HMCN1: variants seen among roughly 807,000 people sequenced by gnomAD.
HMCN1 encodes the protein hemicentin 1.
In HMCN1, 321 loss-of-function variants were observed where a neutral mutation model predicts 625.9. The ratio of observed to expected loss-of-function variants is 0.51; its 90% CI spans 0.47 to 0.56. The LOEUF (loss-of-function observed/expected upper bound fraction) is 0.56. Ranked by LOEUF, HMCN1 falls within the 20% of genes least tolerant of loss-of-function variation. The pLI is 0.00. For missense variants in HMCN1, 6,588 were observed against 6,887.3 expected (o/e 0.96, Z 1.54); for synonymous variants, 2,425 against 2,417.6 (o/e 1.00, Z -0.09).
chr1:185,912,437 A>G (rs1204421460), intron 6 of HMCN1, among the ~76,000 whole-genome samples: 1 of 152,172 alleles, frequency 6.6e-6, no homozygotes, highest in Non-Finnish European at 1.5e-5. Flanking sequence ...TTCCTCTAAG[A>G]AAGCATTGTA....
rs1657232881 is a variant in HMCN1, at chr1:186,055,262, C to T, written c.6863-131C>T. On this transcript the variant is annotated intron_variant, in intron 44 of 106. Transcript: ENST00000271588. Reference sequence around the variant, plus strand: ...CAGCATAACATCATGTCTGTTAGTCCTGGGTCTTTTCTTTAGTTATTTATA... The same window carrying T: ...CAGCATAACATCATGTCTGTTAGTCTTGGGTCTTTTCTTTAGTTATTTATA... 3.5e-6 allele frequency: 3 copies of T among 845,856 alleles called. No homozygotes were observed. The South Asian group carries it at 4.7e-5, about 13-fold the overall frequency. The allele number at this position is 845,856 out of a possible 1,614,324, so 52.4% of individuals were successfully genotyped here. A position where few individuals can be genotyped will look rare whatever the true frequency, so the allele number is the denominator to read the frequency against.
chr1:186,020,011 G>A (rs1286456649), intron 35 of HMCN1, among the ~76,000 whole-genome samples: 3 of 151,826 alleles, frequency 2.0e-5, no homozygotes, highest in Non-Finnish European at 4.4e-5. Context: ...TCAGTAATAA[G>A]CCAAAAATGT....
intron 73 of HMCN1, 83 bp downstream of exon 73, chr1:186,114,206 C>A: frequency 7.2e-7 from 1 of 1,397,778 alleles, no homozygotes; most frequent in Non-Finnish European, 1.0e-6. Context: ...CTATTTTGGT[C>A]TCATTATGTT....
intron 95 of HMCN1, 125 bp from the exon 96 acceptor site, chr1:186,152,625 T>C (rs879397172): frequency 1.7e-4 from 186 of 1,113,370 alleles, no homozygotes; most frequent in Non-Finnish European, 2.4e-4. Flanking sequence ...TCAGTTCTCA[T>C]CATCTATACT....
At chr1:186,091,715 A>T (rs534936983) in intron 64 of HMCN1, among the ~76,000 whole-genome samples, 1 of 152,144 alleles carries the variant, frequency 6.6e-6, no homozygotes, top group South Asian at 2.1e-4. Context: ...CCCATTACCT[A>T]CACATACCAG....
chr1:185,808,787 C>A (rs759825199), intron 1 of HMCN1, among the ~76,000 whole-genome samples: 5 of 152,092 alleles, frequency 3.3e-5, no homozygotes, highest in Non-Finnish European at 7.4e-5. Context: ...CTGTTTTCTT[C>A]GTGGCTCAAT....
At chr1:185,774,057 AGTTGTGCTTTTT>A (rs1369756919) in intron 1 of HMCN1, among the ~76,000 whole-genome samples, 1 of 152,176 alleles carries the variant, frequency 6.6e-6, no homozygotes, top group Admixed American at 6.5e-5. Flanking sequence ...TCTACTGAAA[AGTTGTGCTTTTT>A]GTTCCATACT....
At chr1:185,764,884 A>C (rs1655769347) in intron 1 of HMCN1, among the ~76,000 whole-genome samples, 2 of 152,220 alleles carry the variant, frequency 1.3e-5, no homozygotes, top group African/African-American at 4.8e-5. Flanking sequence ...TACTTCTTAG[A>C]GGTGTCAATC....
intron 89 of HMCN1, among the ~76,000 whole-genome samples, chr1:186,139,644 T>TA (rs1174192025): frequency 1.3e-5 from 2 of 151,888 alleles, no homozygotes; most frequent in East Asian, 3.9e-4. Flanking sequence ...CCCCAGTCCC[T>TA]AAACCAAATG....
chr1:186,096,467 G>A (rs1370284484), intron 68 of HMCN1, among the ~76,000 whole-genome samples: 2 of 152,108 alleles, frequency 1.3e-5, no homozygotes, highest in Non-Finnish European at 2.9e-5. Flanking sequence ...TGGATTAAAG[G>A]GAGTTTCTTC....
intron 11 of HMCN1, among the ~76,000 whole-genome samples, chr1:185,935,949 T>C (rs996168174): frequency 6.6e-6 from 1 of 152,170 alleles, no homozygotes; most frequent in Non-Finnish European, 1.5e-5. Flanking sequence ...TACAAATTAA[T>C]TTCACTTTAA....
rs778331584 is a variant in HMCN1, at chr1:186,062,616, T to C, written c.7513+16T>C. 2 of 1,576,876 alleles carry C rather than the reference T, an allele frequency of 1.3e-6. No homozygotes were observed. The highest frequency in any genetic ancestry group is 1.7e-6 in the Non-Finnish European group (2 of 1,146,488). ...GAAGTGACAGGTATGGGCTCAGCTC[T>C]CAGACTTTTGGTGCTCCCCCCACTC... On this transcript the variant is annotated intron_variant, in intron 48 of 106. Coordinates refer to ENST00000271588, the MANE Select transcript of HMCN1 (RefSeq NM_031935.3).
chr1:185,996,381 C>T (rs1652792822), intron 24 of HMCN1, among the ~76,000 whole-genome samples: 1 of 152,090 alleles, frequency 6.6e-6, no homozygotes, highest in Admixed American at 6.6e-5. Context: ...CAGTGAAGGC[C>T]AGCTGGCTGC....
intron 100 of HMCN1, 117 bp from the exon 101 acceptor site, chr1:186,171,220 T>G: frequency 1.3e-6 from 1 of 759,248 alleles, no homozygotes; most frequent in East Asian, 2.6e-5. Flanking sequence ...ATATATTGGA[T>G]AGGTTTTAGA....
chr1:185,902,946 GA>G lies in HMCN1; in HGVS notation c.622-6381del, dbSNP rs1004214710. On this transcript the variant is annotated intron_variant, in intron 4 of 106. Transcript: ENST00000271588. The stretch of plus-strand genomic sequence containing the variant: ...CTAAAATAGGTATTTAGTAGAAGAA[GA>G]AAAAAAAAACATGTGAAACAAGCAA... Among the ~76,000 whole-genome samples, 10 of 138,580 alleles carry G rather than the reference GA, an allele frequency of 7.2e-5. No homozygotes were observed. In the South Asian group the frequency reaches 1.1e-3, roughly 15 times the overall value. 90.9% of individuals were successfully genotyped at this position (138,580 alleles called of 152,430 possible). A position where few individuals can be genotyped will look rare whatever the true frequency, so the allele number is the denominator to read the frequency against.
At chr1:186,060,014 C>T (rs144657487) in intron 46 of HMCN1, among the ~76,000 whole-genome samples, 227 of 152,148 alleles carry the variant, frequency 1.5e-3, no homozygotes, top group African/African-American at 5.2e-3. Context: ...GTGCTTGAAT[C>T]CTTCCCTAAT....
intron 48 of HMCN1, among the ~76,000 whole-genome samples, 154 bp downstream of exon 48, chr1:186,062,754 G>A (rs1349340362): frequency 6.6e-6 from 1 of 151,734 alleles, no homozygotes; most frequent in African/African-American, 2.4e-5. Flanking sequence ...CTCAGTGATG[G>A]TAAACATTAC....
At chr1:185,992,630 T>G (rs1296471283) in intron 22 of HMCN1, among the ~76,000 whole-genome samples, 3 of 152,126 alleles carry the variant, frequency 2.0e-5, no homozygotes, top group Non-Finnish European at 4.4e-5. Context: ...TTTGCATGTC[T>G]CTGGGCCAAG....
At chr1:186,115,557 C>A in intron 75 of HMCN1, 143 bp downstream of exon 75, 1 of 770,266 alleles carries the variant, frequency 1.3e-6, no homozygotes. Flanking sequence ...TTAATATGGA[C>A]TTAGTTTTTC....
Sources: gnomAD v4.1 joint callset for allele counts (sites outside exome capture counted in the v4.1 genomes callset) on GRCh38, gnomAD v4.1.1 for gene constraint, MANE v1.5 for transcripts, NCBI Gene and HGNC (gene_info 2026-07-23, HGNC 2026-07-21) for gene names.